KCNQ5: variants seen among roughly 807,000 people sequenced by gnomAD.
The protein encoded by KCNQ5 is potassium voltage-gated channel subfamily Q member 5.
KCNQ5 carries 30 observed loss-of-function variants against 98.2 expected under a neutral mutation model. That is an observed-to-expected ratio of 0.31 (90% confidence interval 0.23 to 0.41). KCNQ5 has a LOEUF of 0.41. Ranked by LOEUF, KCNQ5 falls within the 10% of genes least tolerant of loss-of-function variation. KCNQ5 has a pLI of 1.00. For synonymous variants in KCNQ5, 458 were observed against 449.4 expected, an observed-to-expected ratio of 1.02 and a Z score of -0.24; for missense variants, 835 against 1,182.5, an observed-to-expected ratio of 0.71 and a Z score of 4.31.
intron 1 of KCNQ5, among the ~76,000 whole-genome samples, chr6:72,660,233 A>G (rs928494774): frequency 2.0e-5 from 3 of 152,162 alleles, no homozygotes; most frequent in African/African-American, 7.2e-5. Context: ...ACAACCTCTT[A>G]TTATTCCTAT....
chr6:73,012,893 A>G lies in KCNQ5; in HGVS notation c.489+8895A>G, dbSNP rs571024428. 5.7e-4 allele frequency among the ~76,000 whole-genome samples: 87 copies of G among 152,156 alleles called. 2 individuals carry two copies. In the South Asian group the frequency reaches 0.018, roughly 31 times the overall value. ...AAAAAAGTGGTTAATGATATAGCCTACTTCATAAGGCTGATGTGAAAATTA... is the reference window on the plus strand; with the variant it reads ...AAAAAAGTGGTTAATGATATAGCCTGCTTCATAAGGCTGATGTGAAAATTA... On this transcript the variant is annotated intron_variant, in intron 2 of 13. Transcript: ENST00000370398.
chr6:72,788,952 C>T (rs919719692), intron 1 of KCNQ5, among the ~76,000 whole-genome samples: 7 of 152,118 alleles, frequency 4.6e-5, no homozygotes, highest in Admixed American at 1.3e-4. Context: ...TAAAAGTTTT[C>T]GACCCTAGCT....
chr6:72,988,632 A>G lies in KCNQ5; in HGVS notation c.399-15276A>G, dbSNP rs182199883. On this transcript the variant is annotated intron_variant, in intron 1 of 13. Coordinates refer to ENST00000370398, the MANE Select transcript of KCNQ5 (RefSeq NM_019842.4). ...CCTCTATCTAAAATAAAACTTGGGG[A>G]AAAAAAGCATGATTTTCTTTTTTTT... Among the ~76,000 whole-genome samples, 874 of 146,868 alleles carry G rather than the reference A, an allele frequency of 6.0e-3. 5 individuals carry two copies. Among genetic ancestry groups the G allele is most frequent in the Middle Eastern group, 0.021 (6 of 292 alleles).
At chr6:73,057,499 T>TA (rs1772574760) in intron 3 of KCNQ5, among the ~76,000 whole-genome samples, 1 of 151,682 alleles carries the variant, frequency 6.6e-6, no homozygotes, top group African/African-American at 2.4e-5. Flanking sequence ...AATAAATAAA[T>TA]AAAAATTTAA....
intron 1 of KCNQ5, among the ~76,000 whole-genome samples, chr6:72,868,771 G>A (rs1227470158): frequency 6.6e-6 from 1 of 152,174 alleles, no homozygotes; most frequent in Non-Finnish European, 1.5e-5. Context: ...GTTCTGAGGA[G>A]ATCTGCGGAA....
chr6:72,971,000 G>T (rs995995030), intron 1 of KCNQ5, among the ~76,000 whole-genome samples: 50 of 152,230 alleles, frequency 3.3e-4, no homozygotes, highest in South Asian at 2.5e-3. Flanking sequence ...TTGACAAATG[G>T]GATCTACTTA....
intron 1 of KCNQ5, among the ~76,000 whole-genome samples, chr6:72,759,874 A>G (rs557790173): frequency 4.6e-5 from 7 of 152,126 alleles, no homozygotes; most frequent in Non-Finnish European, 8.8e-5. Context: ...ACACACACAC[A>G]TTCACACACA....
intron 2 of KCNQ5, among the ~76,000 whole-genome samples, chr6:73,019,254 G>A (rs1770481105): frequency 1.3e-5 from 2 of 152,036 alleles, no homozygotes; most frequent in Non-Finnish European, 2.9e-5. Context: ...GTTTTCGTTA[G>A]GTCTCTGTTT....
At chr6:72,650,930 A>C (rs1306779514) in intron 1 of KCNQ5, among the ~76,000 whole-genome samples, 2 of 152,048 alleles carry the variant, frequency 1.3e-5, no homozygotes, top group Non-Finnish European at 2.9e-5. Flanking sequence ...GTCGTGTTTA[A>C]ATTGGGTCGA....
At chr6:72,822,015 C>A (rs952657415) in intron 1 of KCNQ5, among the ~76,000 whole-genome samples, 2 of 152,154 alleles carry the variant, frequency 1.3e-5, no homozygotes, top group African/African-American at 4.8e-5. Context: ...CTCAGAAAGG[C>A]TGTCAGTTTC....
intron 3 of KCNQ5, among the ~76,000 whole-genome samples, chr6:73,047,801 C>T (rs1019350429): frequency 1.3e-5 from 2 of 152,148 alleles, no homozygotes; most frequent in African/African-American, 4.8e-5. Context: ...AATAGAATCT[C>T]CTGTGCCCTT....
intron 1 of KCNQ5, among the ~76,000 whole-genome samples, chr6:72,789,071 A>T (rs1029299224): frequency 6.6e-6 from 1 of 152,184 alleles, no homozygotes; most frequent in Non-Finnish European, 1.5e-5. Flanking sequence ...ATCTGTTTTC[A>T]GTCTTCCAGA....
chr6:73,039,769 T>A (rs1178716020), intron 2 of KCNQ5, among the ~76,000 whole-genome samples: 1 of 152,212 alleles, frequency 6.6e-6, no homozygotes, highest in Non-Finnish European at 1.5e-5. Flanking sequence ...GGGTGCTTTT[T>A]AAAAATGTGT....
At chr6:73,149,732 G>A (rs973924213) in intron 10 of KCNQ5, among the ~76,000 whole-genome samples, 8 of 151,744 alleles carry the variant, frequency 5.3e-5, no homozygotes, top group Non-Finnish European at 8.8e-5. Context: ...GGCAGGCGGA[G>A]GCTGCAGTGA....
intron 1 of KCNQ5, among the ~76,000 whole-genome samples, chr6:72,868,552 A>AAATG (rs1366121652): frequency 6.6e-6 from 1 of 152,178 alleles, no homozygotes; most frequent in Non-Finnish European, 1.5e-5. Context: ...CAATGGAAGG[A>AAATG]AATGAATTCA....
rs368000026 is a variant in KCNQ5 at position 72,929,405 on chromosome 6, C to A, written c.399-74503C>A. ...CATAAAGTGACTGCCAAAAAGTGCACTCTCAGTTGTCTGGGCACATGGAAA... is the reference window on the plus strand; with the variant it reads ...CATAAAGTGACTGCCAAAAAGTGCAATCTCAGTTGTCTGGGCACATGGAAA... On this transcript the variant is annotated intron_variant, in intron 1 of 13. Transcript: ENST00000370398. Among the ~76,000 whole-genome samples, 19 of 152,188 alleles carry A rather than the reference C, an allele frequency of 1.2e-4. No individual in the cohort carries two copies. The East Asian group carries it at 1.7e-3, about 14-fold the overall frequency.
intron 1 of KCNQ5, among the ~76,000 whole-genome samples, chr6:72,958,202 A>G (rs1007236545): frequency 1.4e-4 from 22 of 152,222 alleles, no homozygotes; most frequent in Non-Finnish European, 2.9e-4. Context: ...TGAACATGAT[A>G]TAAAACAAAT....
intron 1 of KCNQ5, among the ~76,000 whole-genome samples, chr6:72,939,864 T>C (rs1766139950): frequency 6.6e-6 from 1 of 152,200 alleles, no homozygotes; most frequent in African/African-American, 2.4e-5. Context: ...TTTTCACGTC[T>C]ATGAAGATGA....
chr6:73,153,923 T>G (rs1314648956), intron 10 of KCNQ5, among the ~76,000 whole-genome samples: 3 of 150,608 alleles, frequency 2.0e-5, no homozygotes, highest in Admixed American at 2.0e-4. Context: ...AAAAGTTTGC[T>G]CTCCAAATTG....
Sources: gnomAD v4.1 joint callset for allele counts (sites outside exome capture counted in the v4.1 genomes callset) on GRCh38, gnomAD v4.1.1 for gene constraint, MANE v1.5 for transcripts, NCBI Gene and HGNC (gene_info 2026-07-23, HGNC 2026-07-21) for gene names.